JMY: variants seen among roughly 807,000 people sequenced by gnomAD.
The protein encoded by JMY is junction mediating and regulatory protein, p53 cofactor.
Under a neutral mutation model 103.3 loss-of-function variants are expected in JMY, and 46 were observed. The ratio of observed to expected loss-of-function variants is 0.45; its 90% confidence interval spans 0.35 to 0.57. The LOEUF is 0.57. JMY is among the 20% of genes least tolerant of loss of function. The probability of loss-of-function intolerance (pLI) is 0.00; values close to 1 mark genes in which losing one functional copy is unlikely to be tolerated. For missense variants in JMY, 1,238 were observed against 1,255.2 expected (o/e 0.99, Z 0.21); for synonymous variants, 526 against 489.3 (o/e 1.07, Z -0.99).
chr5:79,311,665 CT>C (rs1363308968), intron 7 of JMY, among the ~76,000 whole-genome samples: 21 of 152,108 alleles, frequency 1.4e-4, no homozygotes, highest in Non-Finnish European at 2.6e-4. Context: ...TATTATATAG[CT>C]TTTAGATGAT....
At chr5:79,254,760 T>G (rs1334839847) in intron 1 of JMY, among the ~76,000 whole-genome samples, 3 of 152,130 alleles carry the variant, frequency 2.0e-5, no homozygotes, top group Admixed American at 6.5e-5. Flanking sequence ...ACCTCCTCAT[T>G]AAGGCCAATA....
At chr5:79,318,757 TATATAG>T (rs1300496470) in intron 10 of JMY, among the ~76,000 whole-genome samples, 29 of 24,726 alleles carry the variant, frequency 1.2e-3, no homozygotes, top group East Asian at 8.1e-3. Flanking sequence ...TATATATATA[TATATAG>T]AGAGAGAGAG....
chr5:79,277,475 A>AT (rs113252135), intron 1 of JMY, among the ~76,000 whole-genome samples: 2,305 of 151,694 alleles, frequency 0.015, 39 homozygotes, highest in African/African-American at 0.039. Context: ...AAAAAAAAAA[A>AT]ATATATACAA....
chr5:79,274,870 G>A (rs970359376), intron 1 of JMY, among the ~76,000 whole-genome samples: 65 of 152,300 alleles, frequency 4.3e-4, no homozygotes, highest in African/African-American at 1.5e-3. Flanking sequence ...CAGCAGTCAA[G>A]TTGATTGGAT....
Position 79,290,251 on chromosome 5 carries a change from T to G in JMY, c.1337T>G (p.Ile446Arg). The G allele has an allele frequency of 6.6e-7, 1 of 1,511,058 alleles. No homozygotes were observed. Among genetic ancestry groups the G allele is most frequent in the Non-Finnish European group, 8.9e-7 (1 of 1,124,784 alleles). The allele number at this position is 1,511,058 out of a possible 1,614,324, so 93.6% of individuals were successfully genotyped here. ...IQDLTVKYFEITAKAQKAVYD... is the reference protein window; with the variant it reads ...IQDLTVKYFERTAKAQKAVYD... The stretch of plus-strand genomic sequence containing the variant: ...GATCTTACTGTCAAGTACTTTGAAA[T>G]AACAGCTAAAGCTCAAAAAGGTAGG... The change falls in exon 3 of 11, where the codon ATA becomes AGA. Residue 446 changes from isoleucine (I) to arginine (R), a missense_variant. Transcript: ENST00000396137.
chr5:79,318,761 T>TATATATAGAGAGAGAG (rs1218912301), intron 10 of JMY, among the ~76,000 whole-genome samples: 4 of 53,606 alleles, frequency 7.5e-5, no homozygotes, highest in African/African-American at 6.7e-4. Flanking sequence ...TATATATATA[T>TATATATAGAGAGAGAG]AGAGAGAGAG....
chr5:79,306,561 T>C (rs2112112595), intron 7 of JMY, 100 bp downstream of exon 7: 4 of 819,444 alleles, frequency 4.9e-6, no homozygotes, highest in East Asian at 2.5e-5. Context: ...TATAACTGCA[T>C]GTTAACATTA....
At position 79,290,126 on chromosome 5, in the gene JMY, C is replaced by A; in HGVS notation, c.1212C>A (p.Ser404=). The change falls in exon 3 of 11, where the codon TCC becomes TCA. Residue 404 remains serine (S), a synonymous_variant. Coordinates refer to ENST00000396137, the MANE Select transcript of JMY (RefSeq NM_152405.5). ...TTTTCTTTTTCTCTCTGAAGATTTC[C>A]ATGGAGAATGATTATCTGGGACCTC... ...AMLRRQQIKI[S]MENDYLGPRR... 6.4e-7 allele frequency: 1 copy of A among 1,568,806 alleles called. No homozygotes were observed.
chr5:79,290,573 C>T (rs986750416), intron 3 of JMY, among the ~76,000 whole-genome samples: 5 of 152,014 alleles, frequency 3.3e-5, no homozygotes, highest in East Asian at 1.9e-4. Flanking sequence ...TTAATAACAC[C>T]GGACATGTGA....
At chr5:79,256,252 A>G (rs537807314) in intron 1 of JMY, among the ~76,000 whole-genome samples, 1 of 152,316 alleles carries the variant, frequency 6.6e-6, no homozygotes, top group Admixed American at 6.5e-5. Flanking sequence ...TGTTCCCTTC[A>G]GGCCCAAGGG....
At chr5:79,284,013 G>T in intron 2 of JMY, 1 of 634,040 alleles carries the variant, frequency 1.6e-6, no homozygotes, top group Non-Finnish European at 2.5e-6. Flanking sequence ...CATTTTGAAG[G>T]TAAAGATATT....
Position 79,299,922 on chromosome 5 carries a change from C to T in JMY, c.1528-231C>T, listed in dbSNP as rs556196766. On this transcript the variant is annotated intron_variant, in intron 4 of 10. Coordinates refer to ENST00000396137, the MANE Select transcript of JMY (RefSeq NM_152405.5). ...ATAAGTATAACATAAACATTAAAAC[C>T]TTATTTTTACCATGTTTGCCTACTT... is the stretch of plus-strand genomic sequence containing the variant. Among the ~76,000 whole-genome samples, 12 of 151,880 alleles carry T rather than the reference C, an allele frequency of 7.9e-5. No individual in the cohort carries two copies. The South Asian group carries it at 8.3e-4, about 11-fold the overall frequency.
At chr5:79,237,833 C>G (rs1051236342) in intron 1 of JMY, 151 bp downstream of exon 1, 1 of 640,532 alleles carries the variant, frequency 1.6e-6, no homozygotes, top group African/African-American at 1.8e-5. Flanking sequence ...ATCTACCTTG[C>G]CCTTCATCCC....
intron 1 of JMY, among the ~76,000 whole-genome samples, chr5:79,268,479 T>TATTA (rs533225191): frequency 1.3e-5 from 2 of 149,748 alleles, no homozygotes; most frequent in African/African-American, 5.1e-5. Context: ...TTTATTTATT[T>TATTA]TTTATTTATT....
intron 1 of JMY, among the ~76,000 whole-genome samples, chr5:79,242,927 G>A (rs2112042953): frequency 6.6e-6 from 1 of 152,126 alleles, no homozygotes; most frequent in South Asian, 2.1e-4. Flanking sequence ...GGGATTACAC[G>A]TGCATGCAAA....
rs766722714 is a variant in JMY at position 79,277,976 on chromosome 5, G to A, written c.1099G>A (p.Glu367Lys). 13 of 1,614,058 alleles carry A rather than the reference G, an allele frequency of 8.1e-6. No individual in the cohort carries two copies. In the South Asian group the frequency reaches 1.3e-4, roughly 16 times the overall value. The change falls in exon 2 of 11, where the codon GAA becomes AAA. Residue 367 changes from glutamate (E) to lysine (K), a missense_variant. Transcript: ENST00000396137. ...ELLDLYQMED[E>K]AYSSLAEATT... ...TCTGGACTTGTATCAGATGGAGGAT[G>A]AAGCCTACAGCAGCCTTGCAGAAGC...
At position 79,246,847 on chromosome 5, in the gene JMY, A is replaced by T. The variant is rs371015251; in HGVS notation, c.1032+9165A>T. Reference sequence around the variant, plus strand: ...CAGTGAGCCAAGATTGCGGCACTGCACTCTAGCCTGGGCGACAGAGCAAGA... The same window carrying T: ...CAGTGAGCCAAGATTGCGGCACTGCTCTCTAGCCTGGGCGACAGAGCAAGA... On this transcript the variant is annotated intron_variant, in intron 1 of 10. Coordinates refer to ENST00000396137, the MANE Select transcript of JMY (RefSeq NM_152405.5). Among the ~76,000 whole-genome samples, 9 of 151,846 alleles carry T rather than the reference A, an allele frequency of 5.9e-5. No individual in the cohort carries two copies. The East Asian group carries it at 9.7e-4, about 16-fold the overall frequency.
chr5:79,267,376 T>G (rs1580341874), intron 1 of JMY, among the ~76,000 whole-genome samples: 1 of 151,992 alleles, frequency 6.6e-6, no homozygotes, highest in Non-Finnish European at 1.5e-5. Flanking sequence ...ATTGGAGTGC[T>G]CCATCTGTTC....
chr5:79,243,699 G>T (rs991354162), intron 1 of JMY, among the ~76,000 whole-genome samples: 1 of 152,114 alleles, frequency 6.6e-6, no homozygotes, highest in African/African-American at 2.4e-5. Flanking sequence ...GAATTTGTGG[G>T]ATTCTTAAAG....
Sources: gnomAD v4.1 joint callset for allele counts (sites outside exome capture counted in the v4.1 genomes callset) on GRCh38, gnomAD v4.1.1 for gene constraint, MANE v1.5 for transcripts, NCBI Gene and HGNC (gene_info 2026-07-23, HGNC 2026-07-21) for gene names.